Variants in MYO18A observed in about 807,000 individuals in gnomAD.
MYO18A encodes the protein myosin XVIIIA.
In MYO18A, 78 loss-of-function variants were observed where a neutral mutation model predicts 235.8. That is an observed-to-expected ratio of 0.33 (90% CI 0.28 to 0.40). The LOEUF (loss-of-function observed/expected upper bound fraction) is 0.40, where lower values mean the gene tolerates loss of function less well. Among genes scored for constraint, MYO18A ranks in the 10% least tolerant of loss-of-function variants. The pLI is 1.00. For missense variants in MYO18A, 2,215 were observed against 2,699.3 expected (o/e 0.82, Z 3.98); for synonymous variants, 977 against 1,077.8 (o/e 0.91, Z 1.83).
rs993464146 is a variant in MYO18A, at chr17:29,135,269, T to A, written c.1000-13016A>T. ...GTGTCCACCACCATGCCCAGCTAAT[T>A]TTTTGTATTTTTTTAGTAGAGGCAG... is the stretch of plus-strand genomic sequence containing the variant. On this transcript the variant is annotated intron_variant, in intron 2 of 41. Transcript: ENST00000527372. 2.6e-5 allele frequency among the ~76,000 whole-genome samples: 4 copies of A among 151,820 alleles called. No homozygotes were observed. In the East Asian group the frequency reaches 7.7e-4, roughly 29 times the overall value.
rs1361823529 is a variant in MYO18A, at chr17:29,121,746, G to A, written c.1195-23C>T. 2.5e-6 allele frequency: 4 copies of A among 1,577,706 alleles called. No individual in the cohort carries two copies. Among genetic ancestry groups the A allele is most frequent in the Non-Finnish European group, 3.4e-6 (4 of 1,160,008 alleles). The stretch of plus-strand genomic sequence containing the variant: ...AGCCTGTGTGGGAGGACAGGCGGGT[G>A]GGTATTAGAGCAGCAGAGCCCATCT... On this transcript the variant is annotated intron_variant, in intron 4 of 41. Coordinates refer to ENST00000527372, the MANE Select transcript of MYO18A (RefSeq NM_078471.4). The surrounding 1 kb of genome is among the most constrained non-coding windows in gnomAD (Gnocchi z 4.2).
chr17:29,114,893 G>A lies in MYO18A; in HGVS notation c.2511+14C>T, dbSNP rs773009632. The A allele has an allele frequency of 6.2e-7, 1 of 1,606,764 alleles. No individual in the cohort carries two copies. On this transcript the variant is annotated intron_variant, in intron 14 of 41. Transcript: ENST00000527372. Reference sequence around the variant, plus strand: ...AGAATCTGAGGCTAGATGAGGCCCAGGCCCCAGAGCTACCTCCTTGTATCT... The same window carrying A: ...AGAATCTGAGGCTAGATGAGGCCCAAGCCCCAGAGCTACCTCCTTGTATCT...
At chr17:29,128,317 G>A (rs919064950) in intron 2 of MYO18A, 31 of 1,235,368 alleles carry the variant, frequency 2.5e-5, no homozygotes, top group Non-Finnish European at 3.0e-5. Context: ...CAAGCTCCTC[G>A]CTGGGCAGCA....
At position 29,098,983 on chromosome 17, in the gene MYO18A, G is replaced by A. The variant is rs759463377; in HGVS notation, c.3637-14C>T. 8.7e-6 allele frequency: 14 copies of A among 1,612,382 alleles called. No homozygotes were observed. In the South Asian group the frequency reaches 1.1e-4, roughly 13 times the overall value. On this transcript the variant is annotated splice_polypyrimidine_tract_variant and intron_variant, in intron 22 of 41. Transcript: ENST00000527372. ...CAGGTCCTGGATCTGCAGGTGGGGT[G>A]GGGGTGGTGCACAGCGGGGCTCTCA... is the stretch of plus-strand genomic sequence containing the variant.
intron 28 of MYO18A, among the ~76,000 whole-genome samples, chr17:29,095,892 C>T (rs1462911392): frequency 6.6e-6 from 1 of 151,926 alleles, no homozygotes; most frequent in Non-Finnish European, 1.5e-5. Flanking sequence ...ATCGGGTGCT[C>T]AGAAGGGGGG....
At chr17:29,082,486 G>T (rs754781029) in intron 40 of MYO18A, 48 bp from the exon 41 acceptor site, 2 of 1,585,000 alleles carry the variant, frequency 1.3e-6, no homozygotes, top group Middle Eastern at 2.2e-4. Flanking sequence ...GGCACCTGCT[G>T]CCCACGAGGG....
chr17:29,177,190 C>T (rs538302209), intron 1 of MYO18A, among the ~76,000 whole-genome samples: 1 of 152,250 alleles, frequency 6.6e-6, no homozygotes, highest in East Asian at 1.9e-4. Flanking sequence ...CAACCACACA[C>T]TGCAGGTTGT....
At chr17:29,086,077 G>GA (rs2066246382) in intron 39 of MYO18A, among the ~76,000 whole-genome samples, 1 of 152,258 alleles carries the variant, frequency 6.6e-6, no homozygotes, top group Non-Finnish European at 1.5e-5. Flanking sequence ...GGTTTTATGA[G>GA]AAAATCTCTG....
intron 40 of MYO18A, among the ~76,000 whole-genome samples, chr17:29,083,900 C>CT (rs1188037253): frequency 6.6e-6 from 1 of 152,228 alleles, no homozygotes. Context: ...AAAGGAGGTG[C>CT]TGTATGCATC....
intron 41 of MYO18A, chr17:29,080,358 T>G: frequency 1.0e-6 from 1 of 986,208 alleles, no homozygotes; most frequent in Non-Finnish European, 1.2e-6. Flanking sequence ...CAGAGCTGCG[T>G]GGCCGGGGTG....
At chr17:29,080,306 C>T in intron 41 of MYO18A, 2 of 986,088 alleles carry the variant, frequency 2.0e-6, no homozygotes, top group Non-Finnish European at 2.4e-6. Context: ...TGACGGCTGA[C>T]GGAGCGGACG....
At chr17:29,103,470 G>C (rs1225824920) in intron 21 of MYO18A, 129 bp downstream of exon 21, 1 of 911,764 alleles carries the variant, frequency 1.1e-6, no homozygotes, top group African/African-American at 1.6e-5. Flanking sequence ...GTGGAGCTGG[G>C]GGCAAGACTC....
intron 22 of MYO18A, 109 bp downstream of exon 22, chr17:29,099,525 T>C: frequency 7.2e-7 from 1 of 1,389,740 alleles, no homozygotes; most frequent in Non-Finnish European, 9.6e-7. Context: ...GCCCAGGACA[T>C]GGTGCCCTGG....
chr17:29,090,444 G>T, intron 36 of MYO18A, 88 bp downstream of exon 36: 1 of 1,194,710 alleles, frequency 8.4e-7, no homozygotes. Context: ...GCAGAGAAAA[G>T]CGCCTTCTAA....
At chr17:29,146,148 C>T (rs1216356328) in intron 2 of MYO18A, among the ~76,000 whole-genome samples, 1 of 152,194 alleles carries the variant, frequency 6.6e-6, no homozygotes, top group African/African-American at 2.4e-5. Flanking sequence ...ATCCCAGCTA[C>T]TCAGGAGGCT....
In MYO18A at chr17:29,117,671, C is replaced by T. The variant is rs898242952; in HGVS notation, c.2038+374G>A. On this transcript the variant is annotated intron_variant, in intron 10 of 41. Transcript: ENST00000527372. The surrounding 1 kb of genome is among the most constrained non-coding windows in gnomAD (Gnocchi z 4.6). The stretch of plus-strand genomic sequence containing the variant: ...GCACGGCGGCCCCTATACCCAAGGG[C>T]GGGGCCAAGGTCAGTTACCCGCTTG... Among the ~76,000 whole-genome samples, 3 of 152,160 alleles carry T rather than the reference C, an allele frequency of 2.0e-5. No homozygotes were observed. Among genetic ancestry groups the T allele is most frequent in the Admixed American group, 2.0e-4 (3 of 15,282 alleles).
intron 2 of MYO18A, among the ~76,000 whole-genome samples, chr17:29,165,032 T>C (rs2068250142): frequency 6.6e-6 from 1 of 152,240 alleles, no homozygotes; most frequent in African/African-American, 2.4e-5. Context: ...AACCCTTCAA[T>C]AGTCCCATTT....
intron 1 of MYO18A, among the ~76,000 whole-genome samples, chr17:29,177,760 T>C (rs181988664): frequency 6.6e-6 from 1 of 152,080 alleles, no homozygotes; most frequent in Non-Finnish European, 1.5e-5. Flanking sequence ...AGCCCCTCAG[T>C]TTTCCCACCA....
intron 37 of MYO18A, among the ~76,000 whole-genome samples, chr17:29,087,939 T>A (rs2066295680): frequency 6.6e-6 from 1 of 152,080 alleles, no homozygotes; most frequent in Non-Finnish European, 1.5e-5. Flanking sequence ...TGGCCTCTTC[T>A]GTCCCTTGAT....
Sources: allele counts gnomAD v4.1 joint callset (sites outside exome capture counted in the v4.1 genomes callset), GRCh38; gene constraint gnomAD v4.1.1; non-coding constraint Gnocchi (gnomAD v3.1); transcripts MANE v1.5; gene names NCBI Gene and HGNC (gene_info 2026-07-23, HGNC 2026-07-21).